Variants in ZNF865 observed in about 807,000 individuals in gnomAD.
ZNF865 encodes the protein zinc finger protein 865.
For synonymous variants in ZNF865, 763 were observed against 750.8 expected (o/e 1.02, Z -0.27); for missense variants, 1,311 against 1,593.4 (o/e 0.82, Z 3.02).
At position 55,616,071 on chromosome 19, in the gene ZNF865, G is replaced by C; in HGVS notation, c.2453G>C (p.Arg818Pro). 1 of 1,510,740 alleles carries C rather than the reference G, an allele frequency of 6.6e-7. No individual in the cohort carries two copies. The highest frequency in any genetic ancestry group is 8.8e-7 in the Non-Finnish European group (1 of 1,134,670). The allele number at this position is 1,510,740 out of a possible 1,614,324, so 93.6% of individuals were successfully genotyped here. The change falls in exon 2 of 2, where the codon CGG becomes CCG. Residue 818 changes from arginine (R) to proline (P), a missense_variant. Physicochemically the swap from Arg to Pro is moderately radical, Grantham distance 103 (BLOSUM62 -2). Coordinates refer to ENST00000568956, the MANE Select transcript of ZNF865 (RefSeq NM_001195605.2). ...VTHKYVHLVR[R>P]TLGCGLCGQS... ...CACAAGTACGTGCACCTGGTGCGAC[G>C]GACCCTGGGCTGCGGCCTCTGCGGC...
Position 55,616,688 on chromosome 19 carries a change from G to C in ZNF865, c.3070G>C (p.Glu1024Gln), listed in dbSNP as rs1485627496. ...GRPFRCSSCG[E>Q]GFANTYGLKK... ...GCCCTTCCGCTGCTCCTCCTGCGGC[G>C]AGGGCTTCGCCAACACCTACGGCCT... Residue 1024 changes from glutamate to glutamine, a missense_variant, in exon 2 of 2, where the codon GAG becomes CAG. Coordinates refer to ENST00000568956, the MANE Select transcript of ZNF865 (RefSeq NM_001195605.2). 2 of 1,529,838 alleles carry C rather than the reference G, an allele frequency of 1.3e-6. No homozygotes were observed. Among genetic ancestry groups the C allele is most frequent in the South Asian group, 1.2e-5 (1 of 83,408 alleles). The allele number at this position is 1,529,838 out of a possible 1,614,324, so 94.8% of individuals were successfully genotyped here. A position where few individuals can be genotyped will look rare whatever the true frequency, so the allele number is the denominator to read the frequency against.
rs1980913026 is a variant in ZNF865 at position 55,605,734 on chromosome 19, T to G, written c.-27+2T>G. On this transcript the variant is annotated splice_donor_variant, in intron 1 of 1. Coordinates refer to ENST00000568956, the MANE Select transcript of ZNF865 (RefSeq NM_001195605.2). LOFTEE classifies it low-confidence loss of function (5UTR_SPLICE). Reference sequence around the variant, plus strand: ...CTCCCGGCGGAGACCCCGGCGCCGGTGAGTGACGGGGTGCGTGGCCCGGGG... The same window carrying G: ...CTCCCGGCGGAGACCCCGGCGCCGGGGAGTGACGGGGTGCGTGGCCCGGGG... 1 of 144,520 alleles carries G rather than the reference T, an allele frequency of 6.9e-6. No individual in the cohort carries two copies. The allele number at this position is 144,520 out of a possible 1,614,324, so 9.0% of individuals were successfully genotyped here. A position where few individuals can be genotyped will look rare whatever the true frequency, so the allele number is the denominator to read the frequency against.
At position 55,614,620 on chromosome 19, in the gene ZNF865, T is replaced by G. The variant is rs1489800552; in HGVS notation, c.1002T>G (p.Ala334=). ...APSADGSAAP[A]GVGVPPPATG... ...CCGCAGACGGGAGCGCCGCCCCTGC[T>G]GGTGTTGGGGTGCCCCCTCCTGCCA... is the stretch of plus-strand genomic sequence containing the variant. Residue 334 remains alanine, a synonymous_variant, in exon 2 of 2, where the codon GCT becomes GCG. Transcript: ENST00000568956. This position sits in a 1 kb window ranked among gnomAD's most constrained non-coding sequence, Gnocchi z 8.0. 2.6e-6 allele frequency: 4 copies of G among 1,528,922 alleles called. No homozygotes were observed. In the East Asian group the frequency reaches 9.9e-5, roughly 38 times the overall value. The allele number at this position is 1,528,922 out of a possible 1,614,324, so 94.7% of individuals were successfully genotyped here.
At chr19:55,606,811 TCA>T (rs1395567890) in intron 1 of ZNF865, among the ~76,000 whole-genome samples, 1 of 152,246 alleles carries the variant, frequency 6.6e-6, no homozygotes, top group East Asian at 1.9e-4. Flanking sequence ...GTGCGGGGTC[TCA>T]CAGTCTAGTT....
At position 55,614,531 on chromosome 19, in the gene ZNF865, A is replaced by G; in HGVS notation, c.913A>G (p.Thr305Ala). The change falls in exon 2 of 2, where the codon ACC becomes GCC. Residue 305 changes from threonine to alanine, a missense_variant. Transcript: ENST00000568956. The surrounding 1 kb of genome is among the most constrained non-coding windows in gnomAD (Gnocchi z 8.0). ...CCCAGCACCCGCTGCCAGCGCCGCCACCGCCGCCGCCCCCTCCACGGTGTC... is the reference window on the plus strand; with the variant it reads ...CCCAGCACCCGCTGCCAGCGCCGCCGCCGCCGCCGCCCCCTCCACGGTGTC... ...GLPAPAASAA[T>A]AAAPSTVSSG... The G allele has an allele frequency of 7.9e-7, 1 of 1,261,656 alleles. No individual in the cohort carries two copies. Among genetic ancestry groups the G allele is most frequent in the Non-Finnish European group, 9.9e-7 (1 of 1,009,094 alleles). The allele number at this position is 1,261,656 out of a possible 1,614,324, so 78.2% of individuals were successfully genotyped here. A position where few individuals can be genotyped will look rare whatever the true frequency, so the allele number is the denominator to read the frequency against.
chr19:55,614,128 G>A lies in ZNF865; in HGVS notation c.510G>A (p.Gly170=). ...TGAAGCGAGGAGGGCCCGCGTCCGGGCCGGGGGTGACGCCTGGGCTGGGCG... is the reference window on the plus strand; with the variant it reads ...TGAAGCGAGGAGGGCCCGCGTCCGGACCGGGGGTGACGCCTGGGCTGGGCG... ...GNLKRGGPAS[G]PGVTPGLGAP... Residue 170 remains glycine (G), a synonymous_variant, in exon 2 of 2, where the codon GGG becomes GGA. Coordinates refer to ENST00000568956, the MANE Select transcript of ZNF865 (RefSeq NM_001195605.2). The surrounding 1 kb of genome is among the most constrained non-coding windows in gnomAD (Gnocchi z 8.0). 1 of 1,435,218 alleles carries A rather than the reference G, an allele frequency of 7.0e-7. No homozygotes were observed. The highest frequency in any genetic ancestry group is 1.5e-5 in the South Asian group (1 of 67,296). 88.9% of individuals were successfully genotyped at this position (1,435,218 alleles called of 1,614,324 possible).
intron 1 of ZNF865, among the ~76,000 whole-genome samples, chr19:55,612,019 G>C (rs571517794): frequency 3.3e-5 from 5 of 152,104 alleles, no homozygotes; most frequent in East Asian, 1.9e-4. Flanking sequence ...AAGGACATGG[G>C]GGGGTCAGGA....
At chr19:55,608,488 A>G (rs1981022309) in intron 1 of ZNF865, among the ~76,000 whole-genome samples, 1 of 151,640 alleles carries the variant, frequency 6.6e-6, no homozygotes, top group Non-Finnish European at 1.5e-5. Context: ...CTAATTTTGT[A>G]TTTTTAGTAG....
At chr19:55,606,557 C>T (rs530413910) in intron 1 of ZNF865, among the ~76,000 whole-genome samples, 4 of 152,224 alleles carry the variant, frequency 2.6e-5, no homozygotes, top group Admixed American at 2.6e-4. Context: ...GGCGGTGAAG[C>T]CTTCCTTCCC....
chr19:55,615,167 G>C lies in ZNF865; in HGVS notation c.1549G>C (p.Ala517Pro). ...AAAAAAVVYG[A>P]VPVPLLGAHP... is the part of the protein sequence containing the mutation. ...GGCCGCGGCGGCGGTGGTGTACGGC[G>C]CTGTGCCCGTCCCGCTCCTGGGCGC... The change falls in exon 2 of 2, where the codon GCT (alanine) becomes CCT (proline). Residue 517 changes from alanine to proline, a missense_variant. Physicochemically the swap from Ala to Pro is conservative, Grantham distance 27. Transcript: ENST00000568956. 1.5e-6 allele frequency: 2 copies of C among 1,359,012 alleles called. No homozygotes were observed. The highest frequency in any genetic ancestry group is 1.9e-6 in the Non-Finnish European group (2 of 1,064,994). 84.2% of individuals were successfully genotyped at this position (1,359,012 alleles called of 1,614,324 possible). A position where few individuals can be genotyped will look rare whatever the true frequency, so the allele number is the denominator to read the frequency against.
chr19:55,610,483 A>G (rs918565024), intron 1 of ZNF865, among the ~76,000 whole-genome samples: 1 of 151,910 alleles, frequency 6.6e-6, no homozygotes, highest in Non-Finnish European at 1.5e-5. Flanking sequence ...CTGGTGTCGA[A>G]CTCCTAACCT....
chr19:55,610,528 C>T (rs1600009394), intron 1 of ZNF865, among the ~76,000 whole-genome samples: 1 of 152,110 alleles, frequency 6.6e-6, no homozygotes, highest in African/African-American at 2.4e-5. Flanking sequence ...CCCAAAGTGC[C>T]GGGATTACAG....
intron 1 of ZNF865, among the ~76,000 whole-genome samples, chr19:55,606,833 C>T (rs762112131): frequency 4.6e-5 from 7 of 152,186 alleles, no homozygotes; most frequent in African/African-American, 9.7e-5. Flanking sequence ...TGATCAGACA[C>T]GAGTCGACAA....
In ZNF865 at chr19:55,615,453, G is replaced by A; in HGVS notation, c.1835G>A (p.Gly612Asp). Residue 612 changes from glycine (G) to aspartate (D), a missense_variant, in exon 2 of 2, where the codon GGC becomes GAC. By Grantham distance (94) the Gly-to-Asp change is moderately conservative. Transcript: ENST00000568956. Reference sequence around the variant, plus strand: ...CGGCCCTACAAGTGCGAGCTCTGCGGCAAGGTCTTCGGCTACCCGCAGAGC... The same window carrying A: ...CGGCCCTACAAGTGCGAGCTCTGCGACAAGGTCTTCGGCTACCCGCAGAGC... ...RERPYKCELC[G>D]KVFGYPQSLT... The A allele has an allele frequency of 6.6e-7, 1 of 1,504,622 alleles. No individual in the cohort carries two copies. The highest frequency in any genetic ancestry group is 8.8e-7 in the Non-Finnish European group (1 of 1,130,558). 93.2% of individuals were successfully genotyped at this position (1,504,622 alleles called of 1,614,324 possible).
chr19:55,613,912 G>GTCCTCCTCC lies in ZNF865; in HGVS notation c.303_311dup (p.Ser115_Ser117dup). ...AGGTGCCCTCCTCGTCCTCGTCCTC[G>GTCCTCCTCC]TCCTCCTCCTCCTCCTCTTCGTCCT... On this transcript the variant is annotated inframe_insertion, in exon 2 of 2. Coordinates refer to ENST00000568956, the MANE Select transcript of ZNF865 (RefSeq NM_001195605.2). 1 of 1,510,776 alleles carries GTCCTCCTCC rather than the reference G, an allele frequency of 6.6e-7. No individual in the cohort carries two copies. Among genetic ancestry groups the GTCCTCCTCC allele is most frequent in the Non-Finnish European group, 8.9e-7 (1 of 1,127,360 alleles). The allele number at this position is 1,510,776 out of a possible 1,614,324, so 93.6% of individuals were successfully genotyped here.
Position 55,611,828 on chromosome 19 carries a change from G to A in ZNF865, c.-26-1765G>A, listed in dbSNP as rs909974023. Among the ~76,000 whole-genome samples the A allele has an allele frequency of 2.0e-5, 3 of 151,984 alleles. No individual in the cohort carries two copies. Among genetic ancestry groups the A allele is most frequent in the African/African-American group, 7.3e-5 (3 of 41,246 alleles). On this transcript the variant is annotated intron_variant, in intron 1 of 1. Coordinates refer to ENST00000568956, the MANE Select transcript of ZNF865 (RefSeq NM_001195605.2). This position sits in a 1 kb window ranked among gnomAD's most constrained non-coding sequence, Gnocchi z 4.5. ...CGACTCACCCTCCGCCCACTTGGTG[G>A]AGGTGCTTCCCCAGGCCAGCAAGTA... is the stretch of plus-strand genomic sequence containing the variant.
chr19:55,616,092 G>A lies in ZNF865; in HGVS notation c.2474G>A (p.Cys825Tyr). Residue 825 changes from cysteine to tyrosine, a missense_variant, in exon 2 of 2, where the codon TGC (cysteine) becomes TAC (tyrosine). Cys to Tyr is a radical substitution (Grantham distance 194). Transcript: ENST00000568956. Reference sequence around the variant, plus strand: ...CGACGGACCCTGGGCTGCGGCCTCTGCGGCCAGAGCTTCGCGGGCGCCTAC... The same window carrying A: ...CGACGGACCCTGGGCTGCGGCCTCTACGGCCAGAGCTTCGCGGGCGCCTAC... Reference protein sequence around the residue: ...LVRRTLGCGLCGQSFAGAYDL... With the variant: ...LVRRTLGCGLYGQSFAGAYDL... The A allele has an allele frequency of 6.7e-7, 1 of 1,491,786 alleles. No individual in the cohort carries two copies. The highest frequency in any genetic ancestry group is 8.9e-7 in the Non-Finnish European group (1 of 1,124,022). The allele number at this position is 1,491,786 out of a possible 1,614,324, so 92.4% of individuals were successfully genotyped here.
rs563522434 is a variant in ZNF865, at chr19:55,611,900, G to A, written c.-26-1693G>A. On this transcript the variant is annotated intron_variant, in intron 1 of 1. Transcript: ENST00000568956. The surrounding 1 kb of genome is among the most constrained non-coding windows in gnomAD (Gnocchi z 4.5). ...TTACGGGTGCTGAGGGTCTGGTGTG[G>A]TGTGGGGTACACACATGGATACCTG... 6.6e-6 allele frequency among the ~76,000 whole-genome samples: 1 copy of A among 152,314 alleles called. No homozygotes were observed. The highest frequency in any genetic ancestry group is 1.9e-4 in the East Asian group (1 of 5,180).
chr19:55,608,140 AGACAGTT>A (rs1464702932), intron 1 of ZNF865, among the ~76,000 whole-genome samples: 5 of 152,128 alleles, frequency 3.3e-5, no homozygotes, highest in Non-Finnish European at 7.4e-5. Context: ...CTCATTGAGA[AGACAGTT>A]GACCAAAGAT....
Sources: gnomAD v4.1 joint callset for allele counts (sites outside exome capture counted in the v4.1 genomes callset) on GRCh38, gnomAD v4.1.1 for gene constraint, Gnocchi (gnomAD v3.1) non-coding constraint, MANE v1.5 for transcripts, NCBI Gene and HGNC (gene_info 2026-07-23, HGNC 2026-07-21) for gene names.